ATP11B: variants seen among roughly 807,000 people sequenced by gnomAD.
ATP11B encodes phospholipid-transporting ATPase IF.
A neutral mutation model predicts 157.8 loss-of-function variants in ATP11B; 81 were observed. That is an observed-to-expected ratio of 0.51 (90% confidence interval 0.43 to 0.62). The LOEUF (loss-of-function observed/expected upper bound fraction) is 0.62, where lower values mean the gene tolerates loss of function less well. Ranked by LOEUF, ATP11B falls within the 20% of genes least tolerant of loss-of-function variation. ATP11B has a pLI of 0.00. For missense variants in ATP11B, 1,165 were observed against 1,402.2 expected, an observed-to-expected ratio of 0.83 and a Z score of 2.70; for synonymous variants, 451 against 469.4, an observed-to-expected ratio of 0.96 and a Z score of 0.51.
intron 28 of ATP11B, among the ~76,000 whole-genome samples, chr3:182,901,224 A>T (rs139644592): frequency 0.011 from 1,701 of 151,472 alleles, 26 homozygotes; most frequent in Middle Eastern, 0.044. Context: ...TTAGCTGGGC[A>T]TGGTGGCACA....
intron 21 of ATP11B, among the ~76,000 whole-genome samples, chr3:182,883,328 G>A (rs1722558634): frequency 6.6e-6 from 1 of 151,632 alleles, no homozygotes; most frequent in Non-Finnish European, 1.5e-5. Flanking sequence ...CTCAATCTCG[G>A]CTCACGGCAA....
intron 10 of ATP11B, among the ~76,000 whole-genome samples, chr3:182,857,137 G>A (rs1720463935): frequency 6.6e-6 from 1 of 151,912 alleles, no homozygotes; most frequent in Non-Finnish European, 1.5e-5. Flanking sequence ...CCCTTTACAG[G>A]GTTTTTGTTT....
intron 20 of ATP11B, among the ~76,000 whole-genome samples, chr3:182,879,960 A>G (rs1394597387): frequency 6.6e-6 from 1 of 152,252 alleles, no homozygotes; most frequent in African/African-American, 2.4e-5. Flanking sequence ...CCTAGGAGAC[A>G]TCAATTATTT....
intron 7 of ATP11B, among the ~76,000 whole-genome samples, chr3:182,840,903 C>T (rs1718959389): frequency 6.6e-6 from 1 of 152,194 alleles, no homozygotes; most frequent in Non-Finnish European, 1.5e-5. Flanking sequence ...TCATGTGACT[C>T]TTCTGCTTAA....
Position 182,896,731 on chromosome 3 carries a change from T to G in ATP11B, c.3014T>G (p.Val1005Gly), listed in dbSNP as rs2108577806. Residue 1005 changes from valine (V) to glycine (G), a missense_variant, in exon 26 of 30, where the codon GTC becomes GGC. By Grantham distance (109) the Val-to-Gly change is moderately radical. This residue lies in a region of ATP11B where 303 missense variants were observed against 296.3 expected (regional missense o/e 1.02). Transcript: ENST00000323116. ...GGAAACTGGACATTTGGCACTTTGGTCTTCACAGTCATGGTTATTACAGTC... is the reference window on the plus strand; with the variant it reads ...GGAAACTGGACATTTGGCACTTTGGGCTTCACAGTCATGGTTATTACAGTC... ...MFGNWTFGTL[V>G]FTVMVITVTV... is the part of the protein sequence containing the mutation. 6.2e-7 allele frequency: 1 copy of G among 1,613,278 alleles called. No homozygotes were observed. Among genetic ancestry groups the G allele is most frequent in the South Asian group, 1.1e-5 (1 of 91,042 alleles).
intron 1 of ATP11B, among the ~76,000 whole-genome samples, chr3:182,796,075 TA>T (rs886886566): frequency 1.6e-4 from 24 of 152,168 alleles, no homozygotes; most frequent in African/African-American, 2.9e-4. Flanking sequence ...TCTTTTTAAT[TA>T]AAAAAAAGTG....
intron 25 of ATP11B, among the ~76,000 whole-genome samples, chr3:182,896,062 C>G (rs1165516550): frequency 1.3e-5 from 2 of 152,186 alleles, no homozygotes; most frequent in African/African-American, 4.8e-5. Context: ...TATTAAACTT[C>G]TGGTTGTATT....
chr3:182,912,559 T>G (rs1337822291), intron 28 of ATP11B, among the ~76,000 whole-genome samples: 2 of 152,180 alleles, frequency 1.3e-5, no homozygotes, highest in African/African-American at 4.8e-5. Context: ...AAGTCAAGTT[T>G]GGCTCTTTCT....
rs770354239 is a variant in ATP11B, at chr3:182,865,620, TTTATCCCATCTTAACAAC to T, written c.1379_1396del (p.Asn460_Leu465del). ...AAGGAAACTTATCTTATCTTAGTAG[TTTATCCCATCTTAACAAC>T]TTATCCCATCTTACAACCAGTTCCT... On this transcript the variant is annotated inframe_deletion, in exon 13 of 30. Coordinates refer to ENST00000323116, the MANE Select transcript of ATP11B (RefSeq NM_014616.3). 1.9e-6 allele frequency: 3 copies of T among 1,613,622 alleles called. No individual in the cohort carries two copies. Among genetic ancestry groups the T allele is most frequent in the Admixed American group, 1.7e-5 (1 of 60,026 alleles).
At position 182,873,949 on chromosome 3, in the gene ATP11B, T is replaced by A; in HGVS notation, c.2186T>A (p.Ile729Asn). 2 of 1,614,108 alleles carry A rather than the reference T, an allele frequency of 1.2e-6. No homozygotes were observed. The highest frequency in any genetic ancestry group is 1.7e-6 in the Non-Finnish European group (2 of 1,180,002). Residue 729 changes from isoleucine (I) to asparagine (N), a missense_variant, in exon 19 of 30, where the codon ATC becomes AAC. This residue lies in a region of ATP11B where 737 missense variants were observed against 930.5 expected (regional missense o/e 0.79). Transcript: ENST00000323116. Reference protein sequence around the residue: ...SCGHFHRTMNILELINQKSDS... With the variant: ...SCGHFHRTMNNLELINQKSDS... The stretch of plus-strand genomic sequence containing the variant: ...GGCCATTTTCATAGAACCATGAACA[T>A]CCTTGAACTTATAAACCAGAAATCA...
chr3:182,870,550 TC>T (rs1721578552), intron 17 of ATP11B, among the ~76,000 whole-genome samples: 1 of 152,228 alleles, frequency 6.6e-6, no homozygotes, highest in Admixed American at 6.5e-5. Context: ...TAGTTTGTGC[TC>T]AGTAAGTATT....
chr3:182,893,034 G>GTAGTCACAGTATTTGAATCTAAT (rs1262753060), intron 25 of ATP11B, among the ~76,000 whole-genome samples: 6 of 152,112 alleles, frequency 3.9e-5, no homozygotes, highest in Non-Finnish European at 8.8e-5. Context: ...CAGTCTTAAA[G>GTAGTCACAGTATTTGAATCTAAT]TAGTCACAGT....
intron 7 of ATP11B, among the ~76,000 whole-genome samples, chr3:182,841,525 T>G (rs1719021158): frequency 6.6e-6 from 1 of 152,234 alleles, no homozygotes; most frequent in Non-Finnish European, 1.5e-5. Flanking sequence ...TCTTGCCATT[T>G]TGAAAACATT....
At chr3:182,893,265 G>A (rs1032797648) in intron 25 of ATP11B, among the ~76,000 whole-genome samples, 1 of 151,754 alleles carries the variant, frequency 6.6e-6, no homozygotes, top group African/African-American at 2.4e-5. Context: ...AAGTTCTTCA[G>A]TGGTGATTTC....
At chr3:182,862,836 A>G (rs1306318288) in intron 12 of ATP11B, among the ~76,000 whole-genome samples, 1 of 149,580 alleles carries the variant, frequency 6.7e-6, no homozygotes, top group Admixed American at 6.7e-5. Flanking sequence ...TTTTATCCTC[A>G]TGGTGAAGTT....
chr3:182,866,141 A>G (rs763033424), intron 13 of ATP11B, 127 bp from the exon 14 acceptor site: 2 of 678,536 alleles, frequency 2.9e-6, no homozygotes, highest in Non-Finnish European at 4.5e-6. Flanking sequence ...GGCAGAAACA[A>G]CCAACTGTTA....
chr3:182,839,671 G>A (rs1299949198), intron 7 of ATP11B, among the ~76,000 whole-genome samples: 10 of 151,664 alleles, frequency 6.6e-5, no homozygotes, highest in Admixed American at 3.3e-4. Flanking sequence ...GTGCAGTGAC[G>A]CGATCTTAGC....
At chr3:182,912,840 T>C (rs1724886082) in intron 28 of ATP11B, among the ~76,000 whole-genome samples, 2 of 152,194 alleles carry the variant, frequency 1.3e-5, no homozygotes, top group African/African-American at 4.8e-5. Flanking sequence ...TCTCCTTCTC[T>C]ATCCTCAAAA....
intron 28 of ATP11B, among the ~76,000 whole-genome samples, chr3:182,903,222 A>G (rs1042376207): frequency 1.3e-5 from 2 of 152,146 alleles, no homozygotes; most frequent in Non-Finnish European, 2.9e-5. Flanking sequence ...TGTATTAAGT[A>G]TGGTTTGAAG....
Sources: gnomAD v4.1 joint callset for allele counts (sites outside exome capture counted in the v4.1 genomes callset) on GRCh38, gnomAD v4.1.1 for gene constraint, gnomAD v4.1.1 regional missense constraint, MANE v1.5 for transcripts, NCBI Gene and HGNC (gene_info 2026-07-23, HGNC 2026-07-21) for gene names.